NRG1: variants seen among roughly 807,000 people sequenced by gnomAD.
NRG1 encodes the protein pro-neuregulin-1, membrane-bound isoform.
In NRG1, 18 loss-of-function variants were observed where a neutral mutation model predicts 63.8. The ratio of observed to expected loss-of-function variants is 0.28; its 90% CI spans 0.19 to 0.42. The LOEUF is 0.42. Among genes scored for constraint, NRG1 ranks in the 10% least tolerant of loss-of-function variants. The pLI is 1.00. For synonymous variants in NRG1, 302 were observed against 301.3 expected, an observed-to-expected ratio of 1.00 and a Z score of -0.02; for missense variants, 762 against 814.7, an observed-to-expected ratio of 0.94 and a Z score of 0.79.
intron 1 of NRG1, among the ~76,000 whole-genome samples, chr8:32,153,149 A>G (rs1387666392): frequency 6.6e-6 from 1 of 152,176 alleles, no homozygotes; most frequent in Non-Finnish European, 1.5e-5. Flanking sequence ...GGGGGATTTC[A>G]TCAAAGTGGG....
chr8:32,376,909 A>C (rs576137449), intron 1 of NRG1, among the ~76,000 whole-genome samples: 9 of 152,356 alleles, frequency 5.9e-5, no homozygotes, highest in African/African-American at 1.9e-4. Flanking sequence ...TCAGAATATC[A>C]GTTTAACAAG....
intron 5 of NRG1, among the ~76,000 whole-genome samples, chr8:32,671,735 T>G: frequency 6.6e-6 from 1 of 152,160 alleles, no homozygotes; most frequent in South Asian, 2.1e-4. Context: ...CATTAGTATT[T>G]TAAGATGGGC....
At position 32,107,126 on chromosome 8, in the gene NRG1, C is replaced by T. The variant is rs143198154; in HGVS notation, c.37+467695C>T. Among the ~76,000 whole-genome samples, 114 of 152,140 alleles carry T rather than the reference C, an allele frequency of 7.5e-4. 1 individual carries two copies. In the East Asian group the frequency reaches 0.021, roughly 27 times the overall value. Reference sequence around the variant, plus strand: ...TGGTGCGTGCCTGTAATCCCAGCTACTCAGGAGGCTGAGGCAGGAGTATCG... The same window carrying T: ...TGGTGCGTGCCTGTAATCCCAGCTATTCAGGAGGCTGAGGCAGGAGTATCG... On this transcript the variant is annotated intron_variant, in intron 1 of 10. Transcript: ENST00000519301.
At chr8:32,123,313 C>A (rs1461947417) in intron 1 of NRG1, among the ~76,000 whole-genome samples, 2 of 151,866 alleles carry the variant, frequency 1.3e-5, no homozygotes, top group Non-Finnish European at 2.9e-5. Context: ...CTTTCCCCTG[C>A]TGTTCTCATG....
chr8:31,764,180 T>G (rs545079830), intron 1 of NRG1, among the ~76,000 whole-genome samples: 11 of 152,208 alleles, frequency 7.2e-5, no homozygotes, highest in African/African-American at 2.6e-4. Context: ...TTTAATCAAC[T>G]TTTTTGAGAT....
chr8:32,422,385 A>T (rs963509871), intron 1 of NRG1, among the ~76,000 whole-genome samples: 1 of 152,224 alleles, frequency 6.6e-6, no homozygotes, highest in Non-Finnish European at 1.5e-5. Context: ...ACAGATATCA[A>T]TATAATTTAT....
chr8:32,427,867 G>A (rs1159953197), intron 1 of NRG1, among the ~76,000 whole-genome samples: 1 of 152,078 alleles, frequency 6.6e-6, no homozygotes, highest in South Asian at 2.1e-4. Context: ...GAACAGGGGC[G>A]GTTTCAACCC....
At chr8:31,768,860 T>C (rs1818334690) in intron 1 of NRG1, among the ~76,000 whole-genome samples, 2 of 152,176 alleles carry the variant, frequency 1.3e-5, no homozygotes, top group Admixed American at 1.3e-4. Flanking sequence ...ATTTATGGAA[T>C]TTCCTGGAAT....
At chr8:32,376,335 C>G (rs1809618688) in intron 1 of NRG1, among the ~76,000 whole-genome samples, 1 of 152,166 alleles carries the variant, frequency 6.6e-6, no homozygotes, top group Admixed American at 6.6e-5. Flanking sequence ...GGCTCTTCTT[C>G]TGTTAACAGG....
At chr8:31,939,655 T>C (rs879213758) in intron 1 of NRG1, among the ~76,000 whole-genome samples, 1 of 152,068 alleles carries the variant, frequency 6.6e-6, no homozygotes, top group Non-Finnish European at 1.5e-5. Flanking sequence ...CCAACCAAGT[T>C]TTCTTCTGTT....
intron 1 of NRG1, among the ~76,000 whole-genome samples, chr8:32,472,024 A>T (rs1169657407): frequency 6.6e-6 from 1 of 152,190 alleles, no homozygotes; most frequent in Non-Finnish European, 1.5e-5. Context: ...CCTCACAACC[A>T]CATGACTAAA....
At chr8:31,991,852 T>A (rs7465523) in intron 1 of NRG1, among the ~76,000 whole-genome samples, 10,455 of 152,104 alleles carry the variant, frequency 0.069, 477 homozygotes, top group Admixed American at 0.13. Context: ...CTATTGAAAA[T>A]TTCTCTATGC....
At chr8:31,653,301 T>C (rs1805087758) in intron 1 of NRG1, among the ~76,000 whole-genome samples, 1 of 152,078 alleles carries the variant, frequency 6.6e-6, no homozygotes, top group African/African-American at 2.4e-5. Flanking sequence ...TTTTAGAACA[T>C]TGCCTTCCTC....
At position 31,782,580 on chromosome 8, in the gene NRG1, C is replaced by T. The variant is rs115865142; in HGVS notation, c.37+143149C>T. ...AAATAATGAATGAATAAATGATTAG[C>T]CTTTAATTTGTATTCATTCGTACAC... is the stretch of plus-strand genomic sequence containing the variant. On this transcript the variant is annotated intron_variant, in intron 1 of 10. Coordinates refer to the NRG1 transcript ENST00000519301. Among the ~76,000 whole-genome samples, 258 of 152,208 alleles carry T rather than the reference C, an allele frequency of 1.7e-3. 3 individuals are homozygous for T. Among genetic ancestry groups the T allele is most frequent in the African/African-American group, 5.7e-3 (238 of 41,518 alleles).
chr8:31,894,733 G>A (rs1831436740), intron 1 of NRG1, among the ~76,000 whole-genome samples: 1 of 151,842 alleles, frequency 6.6e-6, no homozygotes, highest in Non-Finnish European at 1.5e-5. Flanking sequence ...TGTATTTTTA[G>A]TAGAGACGGA....
rs562287651 is a variant in NRG1, at chr8:31,746,957, A to C, written c.37+107526A>C. ...TACTTATTTGTGGAATCTTAAAATC[A>C]AAACAATTGAACTAATGGACCTAGA... On this transcript the variant is annotated intron_variant, in intron 1 of 10. Transcript: ENST00000519301. 3.3e-5 allele frequency among the ~76,000 whole-genome samples: 5 copies of C among 152,076 alleles called. No individual in the cohort carries two copies. The East Asian group carries it at 9.7e-4, about 30-fold the overall frequency.
At chr8:32,759,241 A>G (rs1830242596) in intron 9 of NRG1, 65 bp from the exon 10 acceptor site, 5 of 1,548,538 alleles carry the variant, frequency 3.2e-6, no homozygotes, top group Non-Finnish European at 4.4e-6. Flanking sequence ...TTACATGACA[A>G]TATTAGTGCT....
chr8:32,281,532 C>G (rs985193171), intron 1 of NRG1, among the ~76,000 whole-genome samples: 1 of 152,066 alleles, frequency 6.6e-6, no homozygotes, highest in Admixed American at 6.6e-5. Flanking sequence ...TAGCCTCCCC[C>G]CAACAGTGTC....
chr8:32,518,987 G>C (rs1830087890), intron 1 of NRG1, among the ~76,000 whole-genome samples: 1 of 152,100 alleles, frequency 6.6e-6, no homozygotes, highest in Admixed American at 6.5e-5. Flanking sequence ...TAATGTTGTA[G>C]CATTCTAACT....
Sources: allele counts gnomAD v4.1 joint callset (sites outside exome capture counted in the v4.1 genomes callset), GRCh38; gene constraint gnomAD v4.1.1; transcripts MANE v1.5; gene names NCBI Gene and HGNC (gene_info 2026-07-23, HGNC 2026-07-21).